Variants in PARD3B observed in about 807,000 individuals in gnomAD.
PARD3B encodes partitioning defective 3 homolog B.
A neutral mutation model predicts 130.2 loss-of-function variants in PARD3B; 103 were observed. That is an observed-to-expected ratio of 0.79 (90% CI 0.67 to 0.93). The LOEUF is 0.93. PARD3B is among the 40% of genes least tolerant of loss of function. The pLI is 0.00. For missense variants in PARD3B, 1,609 were observed against 1,499.2 expected, an observed-to-expected ratio of 1.07 and a Z score of -1.21; for synonymous variants, 583 against 553.2, an observed-to-expected ratio of 1.05 and a Z score of -0.76.
At position 205,517,661 on chromosome 2, in the gene PARD3B, G is replaced by T. The variant is rs73058201; in HGVS notation, c.3180+17630G>T. ...CGTTCTTGCTTCTCTGATTCTTTCA[G>T]TTGTGATGTTTGTTAGTTTGTTAAT... On this transcript the variant is annotated intron_variant, in intron 21 of 22. Coordinates refer to ENST00000406610, the MANE Select transcript of PARD3B (RefSeq NM_001302769.2). Among the ~76,000 whole-genome samples, 868 of 152,038 alleles carry T rather than the reference G, an allele frequency of 5.7e-3. 5 individuals are homozygous for T. Among genetic ancestry groups the T allele is most frequent in the African/African-American group, 0.02 (818 of 41,504 alleles).
chr2:205,365,185 A>C (rs1000319460), intron 18 of PARD3B, among the ~76,000 whole-genome samples: 24 of 141,156 alleles, frequency 1.7e-4, no homozygotes, highest in African/African-American at 5.9e-4. Context: ...GGGAGACAAG[A>C]GTAAAACTCC....
intron 3 of PARD3B, among the ~76,000 whole-genome samples, chr2:205,023,403 C>T (rs948395875): frequency 6.6e-6 from 1 of 150,408 alleles, no homozygotes; most frequent in Non-Finnish European, 1.5e-5. Flanking sequence ...TGAGGAGTTG[C>T]CTCTGGTAAC....
intron 4 of PARD3B, among the ~76,000 whole-genome samples, chr2:205,059,675 A>G (rs997135736): frequency 4.6e-5 from 7 of 152,092 alleles, no homozygotes; most frequent in African/African-American, 1.7e-4. Flanking sequence ...TTCCTTCCAC[A>G]TTAGAACACG....
intron 8 of PARD3B, among the ~76,000 whole-genome samples, chr2:205,123,448 T>C (rs2030998322): frequency 1.3e-5 from 2 of 152,084 alleles, no homozygotes; most frequent in South Asian, 2.1e-4. Context: ...GATTTAGGTC[T>C]CTTTCATTGG....
chr2:205,076,260 G>T, intron 4 of PARD3B, among the ~76,000 whole-genome samples: 1 of 152,156 alleles, frequency 6.6e-6, no homozygotes, highest in South Asian at 2.1e-4. Flanking sequence ...TCAGTCAAAA[G>T]TATTGGTCAC....
intron 1 of PARD3B, among the ~76,000 whole-genome samples, chr2:204,575,463 A>G (rs1257929655): frequency 6.6e-6 from 1 of 152,208 alleles, no homozygotes; most frequent in African/African-American, 2.4e-5. Flanking sequence ...TAAATTATTG[A>G]CCCTCTGAAA....
chr2:204,761,510 T>G (rs978134378), intron 2 of PARD3B, among the ~76,000 whole-genome samples: 4 of 152,142 alleles, frequency 2.6e-5, no homozygotes, highest in African/African-American at 9.7e-5. Flanking sequence ...TGGCCACTTC[T>G]GGGTTGGCTA....
chr2:205,224,389 G>C (rs13031805), intron 15 of PARD3B, among the ~76,000 whole-genome samples: 1 of 54,130 alleles, frequency 1.8e-5, no homozygotes. Flanking sequence ...AAAAAAAAAA[G>C]AAAGAAAGAA....
chr2:205,400,204 T>C (rs2046199235), intron 18 of PARD3B, among the ~76,000 whole-genome samples: 2 of 152,186 alleles, frequency 1.3e-5, no homozygotes, highest in Admixed American at 1.3e-4. Flanking sequence ...TAATAGGTCA[T>C]CATAATTAGT....
intron 1 of PARD3B, among the ~76,000 whole-genome samples, chr2:204,684,824 A>G (rs1460749646): frequency 6.6e-6 from 1 of 152,218 alleles, no homozygotes; most frequent in Admixed American, 6.5e-5. Context: ...ACTCAGTATT[A>G]GAAGTAAACA....
chr2:205,232,038 T>G (rs1278080760), intron 15 of PARD3B, among the ~76,000 whole-genome samples: 5 of 152,240 alleles, frequency 3.3e-5, no homozygotes. Context: ...ATTGCCTCTG[T>G]TGTACAGCAC....
intron 22 of PARD3B, among the ~76,000 whole-genome samples, chr2:205,594,379 C>T (rs1039368332): frequency 6.6e-6 from 1 of 152,136 alleles, no homozygotes; most frequent in Non-Finnish European, 1.5e-5. Flanking sequence ...TCTCAGGACA[C>T]TTCCCCTCTT....
At position 204,599,044 on chromosome 2, in the gene PARD3B, C is replaced by G. The variant is rs186292198; in HGVS notation, c.120+52925C>G. ...ACTTGTATTTCCTTTTTGGTTGTTGCTATTTACAGTTTGAAAAAAAAAAGA... is the reference window on the plus strand; with the variant it reads ...ACTTGTATTTCCTTTTTGGTTGTTGGTATTTACAGTTTGAAAAAAAAAAGA... On this transcript the variant is annotated intron_variant, in intron 1 of 22. Coordinates refer to ENST00000406610, the MANE Select transcript of PARD3B (RefSeq NM_001302769.2). 2.0e-3 allele frequency among the ~76,000 whole-genome samples: 296 copies of G among 150,576 alleles called. 2 individuals carry two copies. The highest frequency in any genetic ancestry group is 3.7e-3 in the Non-Finnish European group (248 of 67,538).
At chr2:205,042,956 T>G (rs1575620171) in intron 3 of PARD3B, among the ~76,000 whole-genome samples, 1 of 152,114 alleles carries the variant, frequency 6.6e-6, no homozygotes, top group Non-Finnish European at 1.5e-5. Flanking sequence ...TTATTTGTGC[T>G]TTGCTTCCAG....
chr2:205,172,755 G>A (rs2035246923), intron 12 of PARD3B, among the ~76,000 whole-genome samples: 1 of 152,110 alleles, frequency 6.6e-6, no homozygotes, highest in African/African-American at 2.4e-5. Flanking sequence ...AATGCAGTCA[G>A]CTCTCTGTAT....
rs137891363 is a variant in PARD3B at position 205,174,108 on chromosome 2, A to T, written c.1791+1727A>T. On this transcript the variant is annotated intron_variant, in intron 12 of 22. Coordinates refer to ENST00000406610, the MANE Select transcript of PARD3B (RefSeq NM_001302769.2). ...AGATGACAGCAGATAGGCGTTATATATTTTGGCTCATCGAGTTGGCACACT... is the reference window on the plus strand; with the variant it reads ...AGATGACAGCAGATAGGCGTTATATTTTTTGGCTCATCGAGTTGGCACACT... 2.8e-4 allele frequency among the ~76,000 whole-genome samples: 42 copies of T among 152,346 alleles called. No individual in the cohort carries two copies. The East Asian group carries it at 7.7e-3, about 28-fold the overall frequency.
At chr2:205,195,745 A>T (rs186013413) in intron 15 of PARD3B, among the ~76,000 whole-genome samples, 13 of 152,308 alleles carry the variant, frequency 8.5e-5, no homozygotes, top group Admixed American at 2.0e-4. Flanking sequence ...AAACGTCTTA[A>T]TAAGTAGCCT....
chr2:204,836,181 T>C (rs1343644356), intron 2 of PARD3B, among the ~76,000 whole-genome samples: 1 of 152,212 alleles, frequency 6.6e-6, no homozygotes, highest in African/African-American at 2.4e-5. Flanking sequence ...AAATTAAGTA[T>C]ATAGATACTA....
intron 10 of PARD3B, among the ~76,000 whole-genome samples, chr2:205,130,851 T>C (rs962082470): frequency 6.6e-6 from 1 of 152,198 alleles, no homozygotes; most frequent in African/African-American, 2.4e-5. Context: ...GCTTTGACCT[T>C]CACTTAGGAA....
Sources: allele counts gnomAD v4.1 joint callset (sites outside exome capture counted in the v4.1 genomes callset), GRCh38; gene constraint gnomAD v4.1.1; transcripts MANE v1.5; gene names NCBI Gene and HGNC (gene_info 2026-07-23, HGNC 2026-07-21).